Variants in GRID2 observed in about 807,000 individuals in gnomAD.
The protein encoded by GRID2 is glutamate ionotropic receptor delta type subunit 2.
GRID2 carries 33 observed loss-of-function variants against 114.8 expected under a neutral mutation model. The observed-to-expected ratio is 0.29, with a 90% CI of 0.22 to 0.38. The LOEUF (loss-of-function observed/expected upper bound fraction) is 0.38. Among genes scored for constraint, GRID2 ranks in the 10% least tolerant of loss-of-function variants. The pLI is 1.00. For missense variants in GRID2, 1,184 were observed against 1,257.7 expected (o/e 0.94, Z 0.89); for synonymous variants, 505 against 449.9 (o/e 1.12, Z -1.55).
At chr4:92,938,105 C>A (rs147884361) in intron 2 of GRID2, among the ~76,000 whole-genome samples, 1 of 146,508 alleles carries the variant, frequency 6.8e-6, no homozygotes. Context: ...AGAAGAATTT[C>A]TGTTTATTTC....
chr4:93,625,109 A>G (rs746064495), intron 13 of GRID2, among the ~76,000 whole-genome samples: 2 of 152,184 alleles, frequency 1.3e-5, no homozygotes, highest in Non-Finnish European at 2.9e-5. Flanking sequence ...TTTTTCTTCA[A>G]TGTGAGTTGT....
chr4:93,195,983 G>T (rs184276308), intron 4 of GRID2, among the ~76,000 whole-genome samples: 1 of 152,234 alleles, frequency 6.6e-6, no homozygotes, highest in East Asian at 1.9e-4. Flanking sequence ...GTGACATTTT[G>T]TTTGAGCAGT....
chr4:92,968,003 G>T (rs978102465), intron 2 of GRID2, among the ~76,000 whole-genome samples: 1 of 151,790 alleles, frequency 6.6e-6, no homozygotes, highest in Admixed American at 6.6e-5. Flanking sequence ...CAGGAACCTT[G>T]TGCGTCTATT....
In GRID2 at chr4:92,407,155, G is replaced by A. The variant is rs191261250; in HGVS notation, c.88+102411G>A. On this transcript the variant is annotated intron_variant, in intron 1 of 15. Coordinates refer to ENST00000282020, the MANE Select transcript of GRID2 (RefSeq NM_001510.4). ...ATATCTCATGAGAACTCTCTATCAC[G>A]AGAACAGCATGGGGGAAACTGCCCC... Among the ~76,000 whole-genome samples, 961 of 152,090 alleles carry A rather than the reference G, an allele frequency of 6.3e-3. 8 individuals are homozygous for A. Among genetic ancestry groups the A allele is most frequent in the African/African-American group, 0.022 (902 of 41,500 alleles).
At chr4:92,936,057 A>C (rs559257646) in intron 2 of GRID2, among the ~76,000 whole-genome samples, 3 of 146,694 alleles carry the variant, frequency 2.0e-5, no homozygotes, top group African/African-American at 7.3e-5. Flanking sequence ...AAAAAAAAGA[A>C]ATTTAAATGC....
chr4:93,090,534 A>C (rs998658332), intron 3 of GRID2, among the ~76,000 whole-genome samples: 2 of 152,120 alleles, frequency 1.3e-5, no homozygotes, highest in Non-Finnish European at 2.9e-5. Context: ...TCAGGGAAAA[A>C]ATTTATAATG....
chr4:92,844,792 C>A (rs559578956), intron 2 of GRID2, among the ~76,000 whole-genome samples: 2 of 151,792 alleles, frequency 1.3e-5, no homozygotes, highest in South Asian at 4.2e-4. Flanking sequence ...AACAATCACA[C>A]AAGATGTCTA....
intron 4 of GRID2, among the ~76,000 whole-genome samples, chr4:93,128,060 C>A (rs13434438): frequency 0.55 from 36,805 of 67,452 alleles, 8,228 homozygotes; most frequent in African/African-American, 0.62. Context: ...AAAAAAAAAA[C>A]AACAGTACGT....
chr4:93,753,148 C>G (rs1197546391), intron 14 of GRID2, among the ~76,000 whole-genome samples: 1 of 152,064 alleles, frequency 6.6e-6, no homozygotes, highest in Non-Finnish European at 1.5e-5. Flanking sequence ...CTACAGGCAG[C>G]CTTCACCCAG....
chr4:93,363,445 A>G (rs1354200075), intron 8 of GRID2, among the ~76,000 whole-genome samples: 3 of 152,126 alleles, frequency 2.0e-5, no homozygotes, highest in Non-Finnish European at 4.4e-5. Context: ...GAAGGAATTA[A>G]TGCTCTTTCC....
At chr4:93,546,476 C>T (rs1251277926) in intron 13 of GRID2, among the ~76,000 whole-genome samples, 1 of 152,044 alleles carries the variant, frequency 6.6e-6, no homozygotes, top group Non-Finnish European at 1.5e-5. Context: ...GCAAAGAGGA[C>T]CAAGGAGGGC....
chr4:93,754,226 C>G (rs976401470), intron 14 of GRID2, among the ~76,000 whole-genome samples: 28 of 152,182 alleles, frequency 1.8e-4, no homozygotes, highest in African/African-American at 5.8e-4. Flanking sequence ...TTATGAGGTA[C>G]ATGACTGTAA....
At chr4:93,110,597 C>T (rs1732671150) in intron 3 of GRID2, 151 bp from the exon 4 acceptor site, 4 of 645,356 alleles carry the variant, frequency 6.2e-6, no homozygotes, top group South Asian at 5.6e-5. Context: ...AAACCTTAAA[C>T]ATACTTGAGA....
In GRID2 at chr4:93,118,538, C is replaced by G. The variant is rs1432082120; in HGVS notation, c.735+7585C>G. Among the ~76,000 whole-genome samples, 4 of 152,288 alleles carry G rather than the reference C, an allele frequency of 2.6e-5. No homozygotes were observed. In the South Asian group the frequency reaches 8.3e-4, roughly 32 times the overall value. On this transcript the variant is annotated intron_variant, in intron 4 of 15. Transcript: ENST00000282020. ...AAATTAAAGGCCTCTCTAGATCTAACTCACATTCTTCTCTAACTTCCTCCA... is the reference window on the plus strand; with the variant it reads ...AAATTAAAGGCCTCTCTAGATCTAAGTCACATTCTTCTCTAACTTCCTCCA...
At chr4:93,585,725 T>G (rs947365522) in intron 13 of GRID2, among the ~76,000 whole-genome samples, 19 of 152,074 alleles carry the variant, frequency 1.2e-4, no homozygotes, top group African/African-American at 4.6e-4. Context: ...TTATCCTTCT[T>G]CATGCTTCAA....
chr4:92,484,453 A>G lies in GRID2; in HGVS notation c.89-105678A>G, dbSNP rs536074842. On this transcript the variant is annotated intron_variant, in intron 1 of 15. Coordinates refer to ENST00000282020, the MANE Select transcript of GRID2 (RefSeq NM_001510.4). ...ATAAAATATTATAGGAATTGTGAATATTAATTAACCACATCTTCATAGAGT... is the reference window on the plus strand; with the variant it reads ...ATAAAATATTATAGGAATTGTGAATGTTAATTAACCACATCTTCATAGAGT... Among the ~76,000 whole-genome samples the G allele has an allele frequency of 2.5e-4, 38 of 152,306 alleles. 1 individual carries two copies. In the South Asian group the frequency reaches 6.2e-3, roughly 25 times the overall value.
At chr4:93,693,613 A>G (rs1339230148) in intron 14 of GRID2, among the ~76,000 whole-genome samples, 1 of 152,228 alleles carries the variant, frequency 6.6e-6, no homozygotes, top group Non-Finnish European at 1.5e-5. Context: ...GAGTGGTAGC[A>G]TGTAACTTTT....
At chr4:93,149,603 CT>C (rs1346159238) in intron 4 of GRID2, among the ~76,000 whole-genome samples, 1 of 151,372 alleles carries the variant, frequency 6.6e-6, no homozygotes, top group Non-Finnish European at 1.5e-5. Context: ...AAGTAACAAC[CT>C]GGATGTTTAG....
chr4:92,816,854 C>A (rs1433516344), intron 2 of GRID2, among the ~76,000 whole-genome samples: 5 of 152,078 alleles, frequency 3.3e-5, no homozygotes, highest in African/African-American at 1.2e-4. Flanking sequence ...AATAACTTTA[C>A]AATAAATAAA....
Sources: allele counts gnomAD v4.1 joint callset (sites outside exome capture counted in the v4.1 genomes callset), GRCh38; gene constraint gnomAD v4.1.1; transcripts MANE v1.5; gene names NCBI Gene and HGNC (gene_info 2026-07-23, HGNC 2026-07-21).